Variants in TRABD2B observed in about 807,000 individuals in gnomAD.
TRABD2B encodes the protein TraB domain containing 2B.
In TRABD2B, 14 loss-of-function variants were observed where a neutral mutation model predicts 40.1. The observed-to-expected ratio is 0.35, with a 90% CI of 0.23 to 0.55. TRABD2B has a LOEUF of 0.55. Ranked by LOEUF, TRABD2B falls within the 20% of genes least tolerant of loss-of-function variation. The pLI, the probability that TRABD2B is intolerant of heterozygous loss-of-function variation, is 0.90. For missense variants in TRABD2B, 541 were observed against 648.6 expected (o/e 0.83, Z 1.80); for synonymous variants, 263 against 277.0 (o/e 0.95, Z 0.50).
chr1:47,809,576 G>T (rs1644936275), intron 2 of TRABD2B, among the ~76,000 whole-genome samples: 1 of 152,170 alleles, frequency 6.6e-6, no homozygotes, highest in South Asian at 2.1e-4. Flanking sequence ...TGGCCTGGGG[G>T]ACATTTCTTC....
intron 6 of TRABD2B, among the ~76,000 whole-genome samples, chr1:47,774,283 CT>C (rs762570166): frequency 5.3e-5 from 8 of 152,296 alleles, no homozygotes; most frequent in Non-Finnish European, 8.8e-5. Flanking sequence ...AAGGCTCCCC[CT>C]GATAGAGACT....
At chr1:47,776,829 C>T (rs1644453787) in intron 5 of TRABD2B, among the ~76,000 whole-genome samples, 1 of 152,204 alleles carries the variant, frequency 6.6e-6, no homozygotes, top group Admixed American at 6.5e-5. Flanking sequence ...CTCTCCTCCC[C>T]TACCCCCATG....
intron 2 of TRABD2B, among the ~76,000 whole-genome samples, chr1:47,962,960 T>C (rs181397369): frequency 3.9e-5 from 6 of 152,310 alleles, no homozygotes; most frequent in Non-Finnish European, 8.8e-5. Flanking sequence ...TGCCCCGCCG[T>C]GAAACACAAT....
chr1:47,864,476 A>T (rs58475625), intron 2 of TRABD2B, among the ~76,000 whole-genome samples: 44,074 of 152,012 alleles, frequency 0.29, 6,594 homozygotes, highest in East Asian at 0.46. Flanking sequence ...AAAAAAAAAA[A>T]AGTCTTACAA....
At chr1:47,777,514 T>G (rs927830542) in intron 5 of TRABD2B, among the ~76,000 whole-genome samples, 4 of 152,208 alleles carry the variant, frequency 2.6e-5, no homozygotes, top group Non-Finnish European at 5.9e-5. Flanking sequence ...CTTACACCGC[T>G]GTGTGTCCTT....
At chr1:47,881,407 G>A (rs1412595341) in intron 2 of TRABD2B, among the ~76,000 whole-genome samples, 2 of 152,324 alleles carry the variant, frequency 1.3e-5, no homozygotes, top group South Asian at 2.1e-4. Flanking sequence ...ACCAGTTAAT[G>A]TTTGTGGAGT....
At chr1:47,790,796 G>A (rs1557569369) in intron 4 of TRABD2B, among the ~76,000 whole-genome samples, 1 of 152,222 alleles carries the variant, frequency 6.6e-6, no homozygotes, top group Non-Finnish European at 1.5e-5. Context: ...AGCCTGGAAT[G>A]GTGGCTGGCA....
chr1:47,903,266 C>T (rs1372688215), intron 2 of TRABD2B, among the ~76,000 whole-genome samples: 2 of 152,180 alleles, frequency 1.3e-5, no homozygotes, highest in Non-Finnish European at 2.9e-5. Flanking sequence ...CCACCTGCAA[C>T]TTCTGCACAC....
At chr1:47,961,273 A>G (rs1471862397) in intron 2 of TRABD2B, among the ~76,000 whole-genome samples, 3 of 152,224 alleles carry the variant, frequency 2.0e-5, no homozygotes, top group African/African-American at 7.2e-5. Context: ...AAGAAAACCT[A>G]CGCAATACCA....
chr1:47,814,465 C>G (rs1645003909), intron 2 of TRABD2B, among the ~76,000 whole-genome samples: 1 of 152,192 alleles, frequency 6.6e-6, no homozygotes. Flanking sequence ...CCCACTTGGG[C>G]CCCAGGGGCT....
intron 2 of TRABD2B, among the ~76,000 whole-genome samples, chr1:47,955,265 C>T (rs1286118669): frequency 6.6e-6 from 1 of 152,184 alleles, no homozygotes; most frequent in African/African-American, 2.4e-5. Context: ...ACGTTAAGAA[C>T]CTTCTCCCGC....
intron 4 of TRABD2B, among the ~76,000 whole-genome samples, chr1:47,780,818 G>A (rs574168763): frequency 6.6e-6 from 1 of 152,342 alleles, no homozygotes; most frequent in African/African-American, 2.4e-5. Context: ...CCCTTCCGGA[G>A]CTCTGGCCCT....
chr1:47,924,528 A>G (rs931574177), intron 2 of TRABD2B, among the ~76,000 whole-genome samples: 3 of 152,194 alleles, frequency 2.0e-5, no homozygotes, highest in African/African-American at 4.8e-5. Flanking sequence ...TGATCCTATT[A>G]GCTGGAACAG....
intron 2 of TRABD2B, among the ~76,000 whole-genome samples, chr1:47,821,217 C>A (rs1410247251): frequency 6.6e-6 from 1 of 152,230 alleles, no homozygotes; most frequent in Non-Finnish European, 1.5e-5. Context: ...GTGGCACCCA[C>A]CAGTGGCTGT....
intron 2 of TRABD2B, among the ~76,000 whole-genome samples, chr1:47,885,271 C>T (rs190448187): frequency 6.6e-6 from 1 of 152,362 alleles, no homozygotes; most frequent in Non-Finnish European, 1.5e-5. Context: ...TGGGCCTAAG[C>T]TTAGTGTCCA....
chr1:47,863,495 T>C (rs959509772), intron 2 of TRABD2B, among the ~76,000 whole-genome samples: 1 of 150,582 alleles, frequency 6.6e-6, no homozygotes, highest in African/African-American at 2.4e-5. Flanking sequence ...CAAGTAAGTA[T>C]ATAAAAAGAT....
At chr1:47,986,173 G>A (rs1270826159) in intron 2 of TRABD2B, among the ~76,000 whole-genome samples, 2 of 152,170 alleles carry the variant, frequency 1.3e-5, no homozygotes, top group Non-Finnish European at 2.9e-5. Context: ...AGTTGAAAAG[G>A]AAGGAAAAAA....
At chr1:47,972,868 A>C (rs1480498558) in intron 2 of TRABD2B, among the ~76,000 whole-genome samples, 2 of 152,064 alleles carry the variant, frequency 1.3e-5, no homozygotes, top group Non-Finnish European at 2.9e-5. Flanking sequence ...ATCTCCAGGG[A>C]GCCCTCCTGG....
intron 2 of TRABD2B, among the ~76,000 whole-genome samples, chr1:47,865,364 C>T (rs1166501862): frequency 6.6e-6 from 1 of 151,936 alleles, no homozygotes; most frequent in Non-Finnish European, 1.5e-5. Flanking sequence ...CCAAAGGCCC[C>T]ACCTCTCGCA....
Sources: allele counts gnomAD v4.1 joint callset (sites outside exome capture counted in the v4.1 genomes callset), GRCh38; gene constraint gnomAD v4.1.1; transcripts MANE v1.5; gene names NCBI Gene and HGNC (gene_info 2026-07-23, HGNC 2026-07-21).